Variants in C7orf57 observed in about 807,000 individuals in gnomAD.
C7orf57 encodes uncharacterized protein C7orf57.
A neutral mutation model predicts 39.0 loss-of-function variants in C7orf57; 33 were observed. The observed-to-expected ratio is 0.85, with a 90% CI of 0.64 to 1.13. The LOEUF is 1.13. Ranked by LOEUF, C7orf57 falls within the 50% of genes most tolerant of loss-of-function variation. The pLI is 0.00. For missense variants in C7orf57, 346 were observed against 362.3 expected, an observed-to-expected ratio of 0.95 and a Z score of 0.37; for synonymous variants, 124 against 137.1, an observed-to-expected ratio of 0.90 and a Z score of 0.67.
At chr7:48,050,327 C>T (rs1790837736) in intron 6 of C7orf57, among the ~76,000 whole-genome samples, 1 of 152,210 alleles carries the variant, frequency 6.6e-6, no homozygotes, top group Admixed American at 6.5e-5. Flanking sequence ...TAGGGGCCAC[C>T]AGGTCCTGAC....
At chr7:48,041,946 A>G (rs1220662769) in intron 3 of C7orf57, among the ~76,000 whole-genome samples, 1 of 152,252 alleles carries the variant, frequency 6.6e-6, no homozygotes, top group Non-Finnish European at 1.5e-5. Context: ...AACGTTTTAG[A>G]AAATGAAGAC....
chr7:48,040,347 CT>C (rs1180603227), intron 2 of C7orf57, among the ~76,000 whole-genome samples: 1 of 148,942 alleles, frequency 6.7e-6, no homozygotes, highest in Non-Finnish European at 1.5e-5. Context: ...TTCGTGGGAC[CT>C]TTTTCAATAG....
At chr7:48,051,833 TTCTTTCTTTC>T (rs1562630111) in intron 6 of C7orf57, among the ~76,000 whole-genome samples, 3 of 63,908 alleles carry the variant, frequency 4.7e-5, no homozygotes, top group East Asian at 3.1e-4. Context: ...CTTTCTTTCT[TTCTTTCTTTC>T]TTTCTTTCTT....
intron 5 of C7orf57, among the ~76,000 whole-genome samples, chr7:48,048,351 C>T (rs759562245): frequency 7.9e-5 from 12 of 152,102 alleles, no homozygotes; most frequent in Admixed American, 7.2e-4. Flanking sequence ...TCAGCTGTGC[C>T]CTGGCCTCAC....
chr7:48,051,855 CTTTCTTTCTTTCTTTCTCTT>C (rs1790944492), intron 6 of C7orf57, among the ~76,000 whole-genome samples: 2 of 70,072 alleles, frequency 2.9e-5, no homozygotes, highest in African/African-American at 7.4e-5. Flanking sequence ...TTCTTTCTTT[CTTTCTTTCTTTCTTTCTCTT>C]TCTCTTTCTT....
intron 8 of C7orf57, among the ~76,000 whole-genome samples, chr7:48,059,177 T>G (rs890601667): frequency 3.9e-4 from 59 of 152,094 alleles, no homozygotes; most frequent in African/African-American, 1.4e-3. Context: ...TGACCACTAT[T>G]TTCCTTCCTG....
rs1308155983 is a variant in C7orf57 at position 48,036,462 on chromosome 7, AG to A, written c.55+105del. On this transcript the variant is annotated intron_variant, in intron 2 of 8. Coordinates refer to ENST00000348904, the MANE Select transcript of C7orf57 (RefSeq NM_001100159.3). ...ACCCAACGTCCTCTATGTGGGCTGGAGGGGGGTGTGAACGATGGAGGACCAA... is the reference window on the plus strand; with the variant it reads ...ACCCAACGTCCTCTATGTGGGCTGGAGGGGGTGTGAACGATGGAGGACCAA... 7.0e-5 allele frequency: 82 copies of A among 1,171,558 alleles called. No homozygotes were observed. The South Asian group carries it at 1.1e-3, about 16-fold the overall frequency. 72.6% of individuals were successfully genotyped at this position (1,171,558 alleles called of 1,614,324 possible). A position where few individuals can be genotyped will look rare whatever the true frequency, so the allele number is the denominator to read the frequency against.
At chr7:48,046,388 T>C in intron 4 of C7orf57, 72 bp from the exon 5 acceptor site, 1 of 1,406,418 alleles carries the variant, frequency 7.1e-7, no homozygotes, top group Non-Finnish European at 9.7e-7. Context: ...GAGCCAGCGA[T>C]GGAGATGGAA....
chr7:48,039,028 C>T (rs1360809208), intron 2 of C7orf57, among the ~76,000 whole-genome samples: 1 of 152,040 alleles, frequency 6.6e-6, no homozygotes, highest in African/African-American at 2.4e-5. Flanking sequence ...ATGAAGTCTC[C>T]AGGTAGCCAA....
chr7:48,054,599 T>G lies in C7orf57; in HGVS notation c.834T>G (p.Ser278=). The G allele has an allele frequency of 6.5e-7, 1 of 1,549,490 alleles. No individual in the cohort carries two copies. The highest frequency in any genetic ancestry group is 8.7e-7 in the Non-Finnish European group (1 of 1,145,052). Residue 278 remains serine (S), a synonymous_variant, in exon 8 of 9, where the codon TCT becomes TCG. Transcript: ENST00000348904. ...CGAATGTACTTTTTATTACAGAGTC[T>G]TCTCAAAGTGAGTACTTATAAAGTA... ...ASEGPEDTPE[S]SQSPEESVSA... is the part of the protein sequence containing the mutation.
intron 2 of C7orf57, 46 bp from the exon 3 acceptor site, chr7:48,041,288 C>T (rs750336180): frequency 1.3e-6 from 2 of 1,553,482 alleles, no homozygotes; most frequent in South Asian, 1.2e-5. Context: ...TAGAGGCCAC[C>T]CCGACACACA....
chr7:48,046,867 A>G (rs375842866), intron 5 of C7orf57, among the ~76,000 whole-genome samples: 52 of 152,348 alleles, frequency 3.4e-4, no homozygotes, highest in African/African-American at 1.1e-3. Context: ...TAGATAGTTA[A>G]TGCTTATCTA....
intron 8 of C7orf57, 39 bp downstream of exon 8, chr7:48,054,645 A>T: frequency 6.5e-7 from 1 of 1,528,972 alleles, no homozygotes; most frequent in East Asian, 2.5e-5. Flanking sequence ...AAACACAAAA[A>T]GTCTTACACA....
chr7:48,060,469 G>C lies in C7orf57; in HGVS notation c.*197G>C. Reference sequence around the variant, plus strand: ...TTTGTTTCTTGCATTTCTCTGGGATGTGAAACACTTGGCTAACAAACACAA... The same window carrying C: ...TTTGTTTCTTGCATTTCTCTGGGATCTGAAACACTTGGCTAACAAACACAA... On this transcript the variant is annotated 3_prime_UTR_variant, in exon 9 of 9. Coordinates refer to ENST00000348904, the MANE Select transcript of C7orf57 (RefSeq NM_001100159.3). 2.2e-6 allele frequency: 1 copy of C among 449,048 alleles called. No homozygotes were observed. Among genetic ancestry groups the C allele is most frequent in the East Asian group, 3.5e-5 (1 of 28,658 alleles). The allele number at this position is 449,048 out of a possible 1,614,324, so 27.8% of individuals were successfully genotyped here.
At chr7:48,049,721 G>A (rs1410641498) in intron 5 of C7orf57, among the ~76,000 whole-genome samples, 159 bp from the exon 6 acceptor site, 3 of 152,184 alleles carry the variant, frequency 2.0e-5, no homozygotes, top group South Asian at 2.1e-4. Flanking sequence ...TTTGTTGAAT[G>A]AGATTATTGC....
At chr7:48,044,379 C>G (rs1194628590) in intron 4 of C7orf57, among the ~76,000 whole-genome samples, 1 of 152,196 alleles carries the variant, frequency 6.6e-6, no homozygotes, top group Non-Finnish European at 1.5e-5. Flanking sequence ...TTGCCACTGC[C>G]GGCTCAAATG....
intron 2 of C7orf57, among the ~76,000 whole-genome samples, chr7:48,040,032 T>G (rs914148410): frequency 2.6e-5 from 4 of 152,188 alleles, no homozygotes; most frequent in Admixed American, 6.5e-5. Context: ...GTTGTCTGAG[T>G]GCCCCAGATC....
rs573380768 is a variant in C7orf57, at chr7:48,036,165, T to A, written c.-101-43T>A. 4.7e-5 allele frequency: 38 copies of A among 811,584 alleles called. No individual in the cohort carries two copies. In the South Asian group the frequency reaches 5.3e-4, roughly 11 times the overall value. 50.3% of individuals were successfully genotyped at this position (811,584 alleles called of 1,614,324 possible). ...CCTGCAGGCGTGTCAGGGCGAGGCG[T>A]ACAGACCGACCCAGAGCGGGCGCGC... is the stretch of plus-strand genomic sequence containing the variant. On this transcript the variant is annotated intron_variant, in intron 1 of 8. Transcript: ENST00000348904.
intron 6 of C7orf57, among the ~76,000 whole-genome samples, chr7:48,051,752 TTCTTTCTTTCTTTC>T (rs1189185088): frequency 1.3e-4 from 2 of 15,206 alleles, no homozygotes; most frequent in Admixed American, 7.1e-4. Flanking sequence ...TCTTTTTCTT[TTCTTTCTTTCTTTC>T]TTTCTTTCTT....
Sources: gnomAD v4.1 joint callset for allele counts (sites outside exome capture counted in the v4.1 genomes callset) on GRCh38, gnomAD v4.1.1 for gene constraint, MANE v1.5 for transcripts, NCBI Gene and HGNC (gene_info 2026-07-23, HGNC 2026-07-21) for gene names.